The following PLPPR1 variants were observed in gnomAD, a reference collection of about 807,000 sequenced individuals.
The protein encoded by PLPPR1 is phospholipid phosphatase related 1.
In PLPPR1, 10 loss-of-function variants were observed where a neutral mutation model predicts 33.1. That is an observed-to-expected ratio of 0.30 (90% CI 0.19 to 0.51). PLPPR1 has a LOEUF of 0.51. Ranked by LOEUF, PLPPR1 falls within the 20% of genes least tolerant of loss-of-function variation. PLPPR1 has a pLI of 0.97. For synonymous variants in PLPPR1, 151 were observed against 151.0 expected (o/e 1.00, Z 0.00); for missense variants, 304 against 408.1 (o/e 0.74, Z 2.20).
At chr9:101,184,587 T>C (rs1826172806) in intron 1 of PLPPR1, among the ~76,000 whole-genome samples, 1 of 151,924 alleles carries the variant, frequency 6.6e-6, no homozygotes, top group South Asian at 2.1e-4. Context: ...AGTATTGCTT[T>C]GGCTAGAGAA....
intron 1 of PLPPR1, among the ~76,000 whole-genome samples, chr9:101,171,838 G>C (rs1199351011): frequency 6.6e-6 from 1 of 152,150 alleles, no homozygotes; most frequent in African/African-American, 2.4e-5. Flanking sequence ...GAACAGAAAT[G>C]ATTCAGAATA....
intron 1 of PLPPR1, among the ~76,000 whole-genome samples, chr9:101,112,710 C>G (rs146486192): frequency 6.6e-6 from 1 of 152,188 alleles, no homozygotes; most frequent in African/African-American, 2.4e-5. Flanking sequence ...TGAGAGTGCA[C>G]CTTTCATTCC....
At chr9:101,305,689 C>G (rs966991329) in intron 4 of PLPPR1, among the ~76,000 whole-genome samples, 4 of 152,004 alleles carry the variant, frequency 2.6e-5, no homozygotes, top group African/African-American at 9.7e-5. Flanking sequence ...TGGAATGAGG[C>G]CTGTTATTGT....
chr9:101,299,461 G>A (rs1042063700), intron 4 of PLPPR1, among the ~76,000 whole-genome samples: 9 of 152,142 alleles, frequency 5.9e-5, no homozygotes, highest in Non-Finnish European at 8.8e-5. Context: ...GGTTACTTTT[G>A]GTTCCTCTGC....
At chr9:101,242,240 CTTT>C (rs529626978) in intron 2 of PLPPR1, among the ~76,000 whole-genome samples, 2 of 138,202 alleles carry the variant, frequency 1.4e-5, no homozygotes, top group Admixed American at 7.4e-5. Context: ...AGCTGGAATT[CTTT>C]TTTTTTTTTT....
chr9:101,118,984 C>G (rs1251979490), intron 1 of PLPPR1, among the ~76,000 whole-genome samples: 1 of 151,838 alleles, frequency 6.6e-6, no homozygotes, highest in Non-Finnish European at 1.5e-5. Flanking sequence ...AAGTTCGTTT[C>G]TAGAAGCTCC....
At chr9:101,038,449 A>C (rs1830037091) in intron 1 of PLPPR1, among the ~76,000 whole-genome samples, 1 of 152,160 alleles carries the variant, frequency 6.6e-6, no homozygotes, top group South Asian at 2.1e-4. Flanking sequence ...AGGACTTAAT[A>C]AATGGCAAAA....
At chr9:101,225,607 CAAAG>C (rs1014487327) in intron 2 of PLPPR1, among the ~76,000 whole-genome samples, 2 of 152,008 alleles carry the variant, frequency 1.3e-5, no homozygotes, top group African/African-American at 4.8e-5. Context: ...TCCAAATGAA[CAAAG>C]AAAGAAGGAC....
chr9:101,090,674 T>C (rs550989707), intron 1 of PLPPR1, among the ~76,000 whole-genome samples: 1 of 152,198 alleles, frequency 6.6e-6, no homozygotes, highest in African/African-American at 2.4e-5. Context: ...GCCGAGATCG[T>C]GCCACTGCTC....
At chr9:101,264,581 A>G (rs1384924223) in intron 2 of PLPPR1, among the ~76,000 whole-genome samples, 2 of 152,218 alleles carry the variant, frequency 1.3e-5, no homozygotes, top group Non-Finnish European at 1.5e-5. Flanking sequence ...TACAAATTAC[A>G]TGGGGTTGGA....
At chr9:101,168,728 A>G (rs993602407) in intron 1 of PLPPR1, among the ~76,000 whole-genome samples, 3 of 152,128 alleles carry the variant, frequency 2.0e-5, no homozygotes, top group African/African-American at 7.2e-5. Context: ...CTTTTTCTCA[A>G]TGCTCGTCTT....
intron 1 of PLPPR1, among the ~76,000 whole-genome samples, chr9:101,061,145 C>T (rs1255327419): frequency 6.6e-6 from 1 of 151,834 alleles, no homozygotes; most frequent in East Asian, 1.9e-4. Context: ...TTCTGCTCTG[C>T]TCTTTACAAA....
chr9:101,067,362 C>T (rs1348197751), intron 1 of PLPPR1, among the ~76,000 whole-genome samples: 1 of 152,018 alleles, frequency 6.6e-6, no homozygotes, highest in Non-Finnish European at 1.5e-5. Context: ...TCAGAGGAGA[C>T]ATTTGGCTCT....
At chr9:101,097,642 A>C (rs979181878) in intron 1 of PLPPR1, among the ~76,000 whole-genome samples, 7 of 152,198 alleles carry the variant, frequency 4.6e-5, no homozygotes, top group Admixed American at 4.6e-4. Context: ...CAAACATACA[A>C]ATAATTACCA....
rs530212028 is a variant in PLPPR1, at chr9:101,300,044, A to G, written c.386-9167A>G. Among the ~76,000 whole-genome samples the G allele has an allele frequency of 8.6e-4, 130 of 151,520 alleles. 1 individual carries two copies. Among genetic ancestry groups the G allele is most frequent in the African/African-American group, 3.1e-3 (127 of 41,068 alleles). ...TCAAAGACTTTTAAGAAGTTATACA[A>G]TATCTTGCATAACAAAAATATTCAT... is the stretch of plus-strand genomic sequence containing the variant. On this transcript the variant is annotated intron_variant, in intron 4 of 7. Coordinates refer to ENST00000374874, the MANE Select transcript of PLPPR1 (RefSeq NM_207299.2).
chr9:101,282,811 A>C (rs1313619439), intron 3 of PLPPR1, among the ~76,000 whole-genome samples: 1 of 152,218 alleles, frequency 6.6e-6, no homozygotes, highest in Non-Finnish European at 1.5e-5. Flanking sequence ...GCTACAAAAA[A>C]TACTTAGGAA....
intron 1 of PLPPR1, among the ~76,000 whole-genome samples, chr9:101,072,460 G>C (rs1199528666): frequency 2.0e-5 from 3 of 152,126 alleles, no homozygotes; most frequent in Non-Finnish European, 4.4e-5. Context: ...TAACTGCAAG[G>C]AAGGCTGGGA....
Position 101,319,659 on chromosome 9 carries a change from A to C in PLPPR1, c.945+2163A>C, listed in dbSNP as rs186222709. 2.4e-3 allele frequency among the ~76,000 whole-genome samples: 368 copies of C among 152,342 alleles called. 1 individual carries two copies. Among genetic ancestry groups the C allele is most frequent in the African/African-American group, 7.7e-3 (320 of 41,582 alleles). ...GTTTATTTATATACAGCCTGTTGCT[A>C]CAGGTTAAATATCAAATTAGCTAAA... On this transcript the variant is annotated intron_variant, in intron 7 of 7. Coordinates refer to ENST00000374874, the MANE Select transcript of PLPPR1 (RefSeq NM_207299.2).
chr9:101,241,497 C>T (rs550520584), intron 2 of PLPPR1, among the ~76,000 whole-genome samples: 56 of 152,220 alleles, frequency 3.7e-4, no homozygotes, highest in African/African-American at 1.2e-3. Flanking sequence ...CATTCAAAGC[C>T]GTCCTGAGCC....
Sources: allele counts gnomAD v4.1 joint callset (sites outside exome capture counted in the v4.1 genomes callset), GRCh38; gene constraint gnomAD v4.1.1; transcripts MANE v1.5; gene names NCBI Gene and HGNC (gene_info 2026-07-23, HGNC 2026-07-21).